The following OR3A2 variants were observed in gnomAD, a reference collection of about 807,000 sequenced individuals.
OR3A2 encodes olfactory receptor 3A2.
For missense variants in OR3A2, 318 were observed against 392.8 expected (o/e 0.81, Z 1.61); for synonymous variants, 126 against 159.3 (o/e 0.79, Z 1.57).
chr17:3,347,647 T>C (rs1444046758), intron 2 of OR3A2, among the ~76,000 whole-genome samples: 1 of 152,248 alleles, frequency 6.6e-6, no homozygotes. Flanking sequence ...TCTATCATTG[T>C]TGGACATTTG....
In OR3A2 at chr17:3,278,190, G is replaced by A. The variant is rs562609984; in HGVS notation, c.728C>T (p.Thr243Met). 46 of 1,614,238 alleles carry A rather than the reference G, an allele frequency of 2.8e-5. 1 individual carries two copies. The East Asian group carries it at 8.7e-4, about 30-fold the overall frequency. The change falls in exon 2 of 2, where the codon ACG becomes ATG. Residue 243 changes from threonine (T) to methionine (M), a missense_variant. Coordinates refer to ENST00000642052, the Ensembl canonical transcript of OR3A2. ...AACCACGGTGAGGTGGGAGCCACAC[G>A]TGGAGAAGGCCTTCTTTCGGCCCTC...
At chr17:3,347,899 A>G (rs1246397733) in intron 2 of OR3A2, among the ~76,000 whole-genome samples, 1 of 152,188 alleles carries the variant, frequency 6.6e-6, no homozygotes, top group Non-Finnish European at 1.5e-5. Flanking sequence ...CATCCTCTCC[A>G]GCACCTATTG....
intron 1 of OR3A2, among the ~76,000 whole-genome samples, chr17:3,279,956 G>A (rs954956559): frequency 3.9e-5 from 6 of 152,216 alleles, no homozygotes; most frequent in Non-Finnish European, 8.8e-5. Context: ...ACACTCTGAA[G>A]TATCAACTCA....
chr17:3,318,050 A>G (rs1271443032), intron 3 of OR3A2, among the ~76,000 whole-genome samples: 1 of 152,202 alleles, frequency 6.6e-6, no homozygotes, highest in East Asian at 1.9e-4. Flanking sequence ...TAACTTCCCC[A>G]GTTCAACAGG....
intron 3 of OR3A2, among the ~76,000 whole-genome samples, chr17:3,300,329 T>TG (rs2048952780): frequency 2.6e-5 from 4 of 152,100 alleles, no homozygotes; most frequent in African/African-American, 4.8e-5. Context: ...GAGGCCAAGG[T>TG]GGGGGGATCA....
intron 2 of OR3A2, among the ~76,000 whole-genome samples, chr17:3,367,600 T>TATA (rs202049693): frequency 1.0e-5 from 1 of 96,306 alleles, no homozygotes; most frequent in Admixed American, 1.3e-4. Flanking sequence ...TGTGTGTGTG[T>TATA]GTATATATAT....
chr17:3,322,717 T>C (rs2049135089), intron 3 of OR3A2, among the ~76,000 whole-genome samples: 2 of 152,206 alleles, frequency 1.3e-5, no homozygotes, highest in South Asian at 2.1e-4. Flanking sequence ...TCTAGTTTGA[T>C]TGCACTGTGG....
chr17:3,345,309 T>C (rs1003780106), intron 2 of OR3A2, among the ~76,000 whole-genome samples: 2 of 152,132 alleles, frequency 1.3e-5, no homozygotes, highest in African/African-American at 4.8e-5. Flanking sequence ...TCCACAAGCC[T>C]CACCCTTTCA....
chr17:3,315,751 T>TAG lies in OR3A2; in HGVS notation c.-85+20281_-85+20282insCT, dbSNP rs371096011. Among the ~76,000 whole-genome samples, 952 of 128,866 alleles carry TAG rather than the reference T, an allele frequency of 7.4e-3. 12 individuals are homozygous for TAG. Among genetic ancestry groups the TAG allele is most frequent in the East Asian group, 0.02 (86 of 4,304 alleles). The allele number at this position is 128,866 out of a possible 152,430, so 84.5% of individuals were successfully genotyped here. A position where few individuals can be genotyped will look rare whatever the true frequency, so the allele number is the denominator to read the frequency against. The stretch of plus-strand genomic sequence containing the variant: ...TTTAAAGTGCTAACTGGTGAAAATA[T>TAG]GGGGGGGGGGGCGGTAGTAAGATGA... On this transcript the variant is annotated intron_variant, in intron 3 of 4. Coordinates refer to the OR3A2 transcript ENST00000573491.
At chr17:3,354,016 C>T (rs571479163) in intron 2 of OR3A2, among the ~76,000 whole-genome samples, 4 of 151,668 alleles carry the variant, frequency 2.6e-5, no homozygotes, top group Non-Finnish European at 4.4e-5. Context: ...CTTTGCATCC[C>T]TGGGATAAAT....
At chr17:3,322,673 T>G (rs2049134421) in intron 3 of OR3A2, among the ~76,000 whole-genome samples, 1 of 152,166 alleles carries the variant, frequency 6.6e-6, no homozygotes, top group Non-Finnish European at 1.5e-5. Flanking sequence ...TCCATATGGT[T>G]GAGTGGTTTT....
At chr17:3,338,893 C>A (rs967196707) in intron 2 of OR3A2, among the ~76,000 whole-genome samples, 3 of 152,172 alleles carry the variant, frequency 2.0e-5, no homozygotes, top group Admixed American at 1.3e-4. Flanking sequence ...TTCTTCCTAT[C>A]CATGAGCATG....
At chr17:3,326,773 A>C (rs1273981122) in intron 3 of OR3A2, among the ~76,000 whole-genome samples, 2 of 135,998 alleles carry the variant, frequency 1.5e-5, no homozygotes, top group African/African-American at 2.8e-5. Context: ...CTCATTGTTC[A>C]ATTCCCACCT....
intron 2 of OR3A2, among the ~76,000 whole-genome samples, chr17:3,360,833 G>C (rs1938174355): frequency 6.6e-6 from 1 of 151,820 alleles, no homozygotes; most frequent in Non-Finnish European, 1.5e-5. Flanking sequence ...TTGTAGTATA[G>C]TTTGAAGTCA....
In OR3A2 at chr17:3,310,644, G is replaced by A. The variant is rs764155225; in HGVS notation, c.-85+25389C>T. 3 of 542,314 alleles carry A rather than the reference G, an allele frequency of 5.5e-6. No homozygotes were observed. The Admixed American group carries it at 5.8e-5, about 10-fold the overall frequency. 33.6% of individuals were successfully genotyped at this position (542,314 alleles called of 1,614,324 possible). ...GCTCTTCTTCTTCCACCTCCTGGCT[G>A]GGGCAGACTGCTTCTTGCTGACCAT... On this transcript the variant is annotated intron_variant, in intron 3 of 4. Coordinates refer to the OR3A2 transcript ENST00000573491.
At position 3,330,747 on chromosome 17, in the gene OR3A2, C is replaced by T. The variant is rs188687404; in HGVS notation, c.-85+5286G>A. On this transcript the variant is annotated intron_variant, in intron 3 of 4. Coordinates refer to the OR3A2 transcript ENST00000573491. ...AATATTGTTATGTGTGAATTTGATC[C>T]TGTCATTATGATGTTAGCTGGTGAT... Among the ~76,000 whole-genome samples the T allele has an allele frequency of 5.0e-3, 758 of 151,306 alleles. 7 individuals are homozygous for T. Among genetic ancestry groups the T allele is most frequent in the Non-Finnish European group, 8.5e-3 (577 of 67,822 alleles).
At chr17:3,303,135 T>C (rs1275571284) in intron 3 of OR3A2, among the ~76,000 whole-genome samples, 1 of 151,992 alleles carries the variant, frequency 6.6e-6, no homozygotes, top group Non-Finnish European at 1.5e-5. Context: ...AAGAAAAAAA[T>C]GATATTATAT....
intron 2 of OR3A2, among the ~76,000 whole-genome samples, chr17:3,361,997 G>T (rs1290148124): frequency 6.6e-6 from 1 of 151,674 alleles, no homozygotes. Context: ...AATGGTACCA[G>T]CTCTTCCTTG....
intron 3 of OR3A2, among the ~76,000 whole-genome samples, chr17:3,319,650 T>A (rs1456835289): frequency 6.6e-6 from 1 of 152,144 alleles, no homozygotes; most frequent in Non-Finnish European, 1.5e-5. Context: ...CATGTGTTAG[T>A]TTGCTGAGAA....
Sources: gnomAD v4.1 joint callset for allele counts (sites outside exome capture counted in the v4.1 genomes callset) on GRCh38, gnomAD v4.1.1 for gene constraint, MANE v1.5 for transcripts, NCBI Gene and HGNC (gene_info 2026-07-23, HGNC 2026-07-21) for gene names.